The following ARHGAP8 variants were observed in gnomAD, a reference collection of about 807,000 sequenced individuals.
ARHGAP8 encodes the protein rho GTPase-activating protein 8.
Under a neutral mutation model 46.1 loss-of-function variants are expected in ARHGAP8, and 62 were observed. That is an observed-to-expected ratio of 1.34 (90% CI 1.10 to 1.66). The LOEUF (loss-of-function observed/expected upper bound fraction) is 1.66. Among genes scored for constraint, ARHGAP8 ranks in the 40% most tolerant of loss-of-function variants. The probability of loss-of-function intolerance (pLI) is 0.00; values close to 1 mark genes in which losing one functional copy is unlikely to be tolerated. For missense variants in ARHGAP8, 923 were observed against 568.4 expected (o/e 1.62, Z -6.34); for synonymous variants, 375 against 243.1 (o/e 1.54, Z -5.05).
chr22:44,825,790 C>CTGCTCGG (rs1309681522), intron 7 of ARHGAP8, among the ~76,000 whole-genome samples, 197 bp downstream of exon 7: 1 of 133,366 alleles, frequency 7.5e-6, no homozygotes, highest in East Asian at 2.2e-4. Context: ...CGCGTGCTCG[C>CTGCTCGG]TGCTCGGTGC....
rs867531537 is a variant in ARHGAP8 at position 44,757,620 on chromosome 22, C to A, written c.-72+4993C>A. ...ATTCCTTCCAAACTTTAACCCCCTG[C>A]TCCTTTGGAGTGTTTTTGTTGTTTT... On this transcript the variant is annotated intron_variant, in intron 1 of 11. Coordinates refer to ENST00000356099, the MANE Select transcript of ARHGAP8 (RefSeq NM_181335.3). 3.7e-4 allele frequency among the ~76,000 whole-genome samples: 57 copies of A among 152,146 alleles called. No individual in the cohort carries two copies. In the Middle Eastern group the frequency reaches 0.014, roughly 36 times the overall value.
Position 44,756,659 on chromosome 22 carries a change from T to C in ARHGAP8, c.-72+4032T>C, listed in dbSNP as rs996152326. Reference sequence around the variant, plus strand: ...CCTCTCACCCCTTCTCTCCCCTCCCTATTCCCCATATCATTTTAGAGTAGC... The same window carrying C: ...CCTCTCACCCCTTCTCTCCCCTCCCCATTCCCCATATCATTTTAGAGTAGC... On this transcript the variant is annotated intron_variant, in intron 1 of 11. Coordinates refer to ENST00000356099, the MANE Select transcript of ARHGAP8 (RefSeq NM_181335.3). Among the ~76,000 whole-genome samples, 246 of 141,680 alleles carry C rather than the reference T, an allele frequency of 1.7e-3. 1 individual carries two copies. The highest frequency in any genetic ancestry group is 7.0e-3 in the Middle Eastern group (2 of 284). 92.9% of individuals were successfully genotyped at this position (141,680 alleles called of 152,430 possible).
chr22:44,825,488 A>C lies in ARHGAP8; in HGVS notation c.491A>C (p.Asp164Ala). 4 of 1,612,832 alleles carry C rather than the reference A, an allele frequency of 2.5e-6. No individual in the cohort carries two copies. Among genetic ancestry groups the C allele is most frequent in the Non-Finnish European group, 3.4e-6 (4 of 1,179,524 alleles). The change falls in exon 7 of 12, where the codon GAT becomes GCT. Residue 164 changes from aspartate (D) to alanine (A), a missense_variant. Coordinates refer to ENST00000356099, the MANE Select transcript of ARHGAP8 (RefSeq NM_181335.3). ...LVIPPEVLRY[D>A]EKLQSLHEGR... ...AGCCTCTGTTGTGTCTACAGGTACG[A>C]TGAGAAGCTCCAGAGCCTGCACGAG...
At position 44,786,557 on chromosome 22, in the gene ARHGAP8, G is replaced by A. The variant is rs144303779; in HGVS notation, c.30G>A (p.Thr10=). Residue 10 remains threonine (T), a synonymous_variant, in exon 2 of 12, where the codon ACG becomes ACA. Transcript: ENST00000356099. ...CTGGCCAGGATCCTGCGCTGAGCACGAGTCACCCGTTCTACGACGTGGCCA... is the reference window on the plus strand; with the variant it reads ...CTGGCCAGGATCCTGCGCTGAGCACAAGTCACCCGTTCTACGACGTGGCCA... MAGQDPALS[T]SHPFYDVARH... is the part of the protein sequence containing the mutation. 1.1e-5 allele frequency: 18 copies of A among 1,613,344 alleles called. No individual in the cohort carries two copies. The highest frequency in any genetic ancestry group is 2.2e-5 in the South Asian group (2 of 90,978).
chr22:44,766,402 A>ATG (rs1925567396), intron 1 of ARHGAP8, among the ~76,000 whole-genome samples: 1 of 149,230 alleles, frequency 6.7e-6, no homozygotes, highest in Non-Finnish European at 1.5e-5. Context: ...GTGTGTGGGC[A>ATG]CGTGTGTGTG....
rs1208958489 is a variant in ARHGAP8 at position 44,795,051 on chromosome 22, AAAAC to A, written c.80-7022_80-7019del. ...GCCAAACTCTGTCTCAAAAAAAAAA[AAAAC>A]AAAAAACGAAATCTGTTGGTATGAA... On this transcript the variant is annotated intron_variant, in intron 2 of 11. Transcript: ENST00000356099. Among the ~76,000 whole-genome samples, 463 of 150,514 alleles carry A rather than the reference AAAAC, an allele frequency of 3.1e-3. 1 individual carries two copies. Among genetic ancestry groups the A allele is most frequent in the African/African-American group, 0.011 (448 of 41,214 alleles).
At position 44,814,273 on chromosome 22, in the gene ARHGAP8, G is replaced by A. The variant is rs1023818512; in HGVS notation, c.300-399G>A. 3.6e-4 allele frequency among the ~76,000 whole-genome samples: 55 copies of A among 152,292 alleles called. 1 individual carries two copies. Among genetic ancestry groups the A allele is most frequent in the African/African-American group, 1.3e-3 (53 of 41,556 alleles). ...GTTTATCTGCCATCATAACCAACAC[G>A]GTGAGCTCCTTCTAGCCCAGGTCAG... On this transcript the variant is annotated intron_variant, in intron 4 of 11. Transcript: ENST00000356099.
intron 2 of ARHGAP8, among the ~76,000 whole-genome samples, chr22:44,796,483 G>A (rs185968540): frequency 6.6e-6 from 1 of 151,996 alleles, no homozygotes; most frequent in Non-Finnish European, 1.5e-5. Context: ...TGGCGGGGGT[G>A]GGGGGCTCTA....
intron 7 of ARHGAP8, among the ~76,000 whole-genome samples, chr22:44,836,300 A>G (rs1171664335): frequency 1.3e-5 from 2 of 151,860 alleles, no homozygotes; most frequent in African/African-American, 4.8e-5. Flanking sequence ...TCCTGGGGCC[A>G]ACTAATGTTC....
At position 44,845,326 on chromosome 22, in the gene ARHGAP8, G is replaced by A. The variant is rs146372974; in HGVS notation, c.654G>A (p.Thr218=). The part of the protein sequence containing the change: ...LIPPVLRFTV[T]YLREKGLRTE... ...CCCCTGTGCTGAGGTTCACAGTGACGTACCTGAGAGAGAAAGGTGAGACGG... is the reference window on the plus strand; with the variant it reads ...CCCCTGTGCTGAGGTTCACAGTGACATACCTGAGAGAGAAAGGTGAGACGG... The change falls in exon 8 of 12, where the codon ACG becomes ACA. Residue 218 remains threonine, a synonymous_variant. Transcript: ENST00000356099. The A allele has an allele frequency of 5.2e-4, 838 of 1,614,048 alleles. No individual in the cohort carries two copies. The highest frequency in any genetic ancestry group is 3.6e-3 in the African/African-American group (269 of 75,016).
chr22:44,820,862 C>T (rs894445788), intron 5 of ARHGAP8, among the ~76,000 whole-genome samples: 2 of 152,024 alleles, frequency 1.3e-5, no homozygotes, highest in Non-Finnish European at 2.9e-5. Context: ...GGCGCTGGTG[C>T]TGGCGCTGGA....
At chr22:44,758,624 G>A (rs1166853690) in intron 1 of ARHGAP8, among the ~76,000 whole-genome samples, 1 of 151,948 alleles carries the variant, frequency 6.6e-6, no homozygotes, top group Non-Finnish European at 1.5e-5. Context: ...AGTGGGGAGG[G>A]GGGGAACATA....
rs752977847 is a variant in ARHGAP8 at position 44,862,594 on chromosome 22, A to G, written c.1301A>G (p.Ter434TrpextTer33). 3 of 1,569,446 alleles carry G rather than the reference A, an allele frequency of 1.9e-6. No homozygotes were observed. The highest frequency in any genetic ancestry group is 2.6e-6 in the Non-Finnish European group (3 of 1,154,114). Residue 434 changes from the stop codon to tryptophan, a stop_lost, in exon 12 of 12, where the codon TAG becomes TGG. Coordinates refer to ENST00000356099, the MANE Select transcript of ARHGAP8 (RefSeq NM_181335.3). Reference sequence around the variant, plus strand: ...CTGATGGCAGCCAGAAGACGTCTCTAGTGTTGCGAACACTCTGTATATTTC... The same window carrying G: ...CTGATGGCAGCCAGAAGACGTCTCTGGTGTTGCGAACACTCTGTATATTTC... Reference protein sequence around the residue: ...SPLMAARRRL* With the variant: ...SPLMAARRRLW
chr22:44,801,276 C>T (rs558779910), intron 2 of ARHGAP8, among the ~76,000 whole-genome samples: 38 of 101,654 alleles, frequency 3.7e-4, no homozygotes, highest in Non-Finnish European at 5.9e-4. Context: ...GTGTGAGGGG[C>T]GCCTCTCCCC....
At chr22:44,823,185 A>G (rs1930277610) in intron 6 of ARHGAP8, among the ~76,000 whole-genome samples, 1 of 152,084 alleles carries the variant, frequency 6.6e-6, no homozygotes, top group Admixed American at 6.6e-5. Flanking sequence ...TGGGATATAG[A>G]GGTGTTTAGG....
intron 5 of ARHGAP8, 109 bp from the exon 6 acceptor site, chr22:44,822,262 T>A (rs920052978): frequency 1.1e-6 from 1 of 876,344 alleles, no homozygotes; most frequent in African/African-American, 1.8e-5. Flanking sequence ...TTTCTTAATA[T>A]GAAAAATGCC....
chr22:44,785,052 G>A (rs1927115008), intron 1 of ARHGAP8, among the ~76,000 whole-genome samples: 1 of 152,190 alleles, frequency 6.6e-6, no homozygotes, highest in South Asian at 2.1e-4. Flanking sequence ...GAGTGGGCAG[G>A]GAGGTGTGGG....
intron 7 of ARHGAP8, 24 bp downstream of exon 7, chr22:44,825,617 G>C: frequency 6.2e-7 from 1 of 1,603,506 alleles, no homozygotes; most frequent in Non-Finnish European, 8.5e-7. Context: ...GGATGTGCCT[G>C]CTCCTATGCC....
At chr22:44,809,093 T>C in intron 4 of ARHGAP8, 1 of 470,172 alleles carries the variant, frequency 2.1e-6, no homozygotes, top group African/African-American at 2.0e-5. Context: ...AGTACTGGGA[T>C]TACAGGCAGG....
Sources: gnomAD v4.1 joint callset for allele counts (sites outside exome capture counted in the v4.1 genomes callset) on GRCh38, gnomAD v4.1.1 for gene constraint, MANE v1.5 for transcripts, NCBI Gene and HGNC (gene_info 2026-07-23, HGNC 2026-07-21) for gene names.